PUS10: variants seen among roughly 807,000 people sequenced by gnomAD.
PUS10 encodes the protein tRNA pseudouridine synthase Pus10.
PUS10 carries 59 observed loss-of-function variants against 75.0 expected under a neutral mutation model. The observed-to-expected ratio is 0.79, with a 90% confidence interval of 0.64 to 0.98. PUS10 has a LOEUF of 0.98. PUS10 is among the 50% of genes least tolerant of loss of function. PUS10 has a pLI of 0.00. For missense variants in PUS10, 650 were observed against 614.4 expected, an observed-to-expected ratio of 1.06 and a Z score of -0.61; for synonymous variants, 219 against 211.6, an observed-to-expected ratio of 1.03 and a Z score of -0.30.
At chr2:61,008,063 C>T (rs1231098871) in intron 3 of PUS10, among the ~76,000 whole-genome samples, 2 of 149,422 alleles carry the variant, frequency 1.3e-5, no homozygotes, top group Non-Finnish European at 3.0e-5. Context: ...GGCAACAGAG[C>T]GAGACTCTGT....
At chr2:61,008,712 C>A in intron 3 of PUS10, 49 bp downstream of exon 3, 1 of 1,376,700 alleles carries the variant, frequency 7.3e-7, no homozygotes, top group Non-Finnish European at 9.8e-7. Context: ...GGTTTTAAGA[C>A]TGAAAATCTC....
chr2:60,983,461 C>T (rs1677530829), intron 4 of PUS10, among the ~76,000 whole-genome samples: 1 of 151,986 alleles, frequency 6.6e-6, no homozygotes, highest in Admixed American at 6.6e-5. Context: ...GGTGGATCAC[C>T]TGAGGTCAGG....
intron 17 of PUS10, 119 bp from the exon 18 acceptor site, chr2:60,942,552 G>C (rs1422349637): frequency 2.6e-6 from 2 of 779,728 alleles, no homozygotes; most frequent in African/African-American, 3.5e-5. Context: ...TGCATTTGAA[G>C]AAAAGAGCTA....
At chr2:61,009,756 G>GT (rs1413801175) in intron 2 of PUS10, 2 of 152,134 alleles carry the variant, frequency 1.3e-5, no homozygotes, top group African/African-American at 4.8e-5. Context: ...GTTTAGACAT[G>GT]TTTTATTATG....
intron 4 of PUS10, among the ~76,000 whole-genome samples, chr2:60,987,607 T>C (rs1356698662): frequency 2.0e-5 from 3 of 152,184 alleles, no homozygotes; most frequent in Non-Finnish European, 4.4e-5. Flanking sequence ...TCACCACTAA[T>C]TGTGTACAGT....
chr2:60,979,656 T>C (rs1216198121), intron 4 of PUS10, among the ~76,000 whole-genome samples: 1 of 151,898 alleles, frequency 6.6e-6, no homozygotes, highest in African/African-American at 2.4e-5. Context: ...ATAAAACCTA[T>C]GTTGGCCATG....
intron 11 of PUS10, 86 bp downstream of exon 11, chr2:60,960,306 T>C: frequency 9.5e-7 from 1 of 1,053,448 alleles, no homozygotes; most frequent in African/African-American, 1.7e-5. Context: ...ATCGTGCTAC[T>C]GCAATCTAGC....
chr2:60,995,014 C>A (rs886562221), intron 4 of PUS10, among the ~76,000 whole-genome samples: 1 of 152,070 alleles, frequency 6.6e-6, no homozygotes, highest in Non-Finnish European at 1.5e-5. Flanking sequence ...CGCTAGAACC[C>A]GGGAGGTGGA....
chr2:60,981,360 G>T (rs1241444910), intron 4 of PUS10, among the ~76,000 whole-genome samples: 1 of 151,640 alleles, frequency 6.6e-6, no homozygotes, highest in East Asian at 2.0e-4. Context: ...TCGGCTCACT[G>T]CAACTTTTGC....
chr2:60,973,411 C>G (rs1403879216), intron 4 of PUS10, among the ~76,000 whole-genome samples: 1 of 152,248 alleles, frequency 6.6e-6, no homozygotes, highest in African/African-American at 2.4e-5. Context: ...GCTCCCTGAC[C>G]TCTCCCTGCT....
intron 2 of PUS10, among the ~76,000 whole-genome samples, chr2:61,011,282 G>T (rs1043633187): frequency 6.6e-6 from 1 of 152,060 alleles, no homozygotes; most frequent in Admixed American, 6.6e-5. Flanking sequence ...TATTACTTTT[G>T]TCATTAATAA....
intron 15 of PUS10, among the ~76,000 whole-genome samples, chr2:60,952,624 C>G (rs1362774242): frequency 1.3e-5 from 2 of 152,158 alleles, no homozygotes; most frequent in Non-Finnish European, 2.9e-5. Context: ...GTGCCAGGTA[C>G]TGTTCTAAGT....
intron 1 of PUS10, chr2:61,017,781 C>A (rs865938493): frequency 1.3e-6 from 2 of 1,549,734 alleles, no homozygotes; most frequent in Non-Finnish European, 1.7e-6. Flanking sequence ...GCCGCCACCT[C>A]CCCCCAAACC....
intron 6 of PUS10, chr2:60,966,445 T>C (rs1676347041): frequency 6.6e-6 from 1 of 152,248 alleles, no homozygotes; most frequent in African/African-American, 2.4e-5. Context: ...GCTTTTTTTT[T>C]CTCGCTCCTT....
Position 61,018,203 on chromosome 2 carries a change from C to T in PUS10, c.-211G>A, listed in dbSNP as rs1680144255. 1.3e-6 allele frequency: 2 copies of T among 1,550,860 alleles called. No individual in the cohort carries two copies. The highest frequency in any genetic ancestry group is 1.2e-5 in the South Asian group (1 of 84,054). The stretch of plus-strand genomic sequence containing the variant: ...TTAAAGCGTAGACTTTGGTCTGTAG[C>T]AGTTGAGAGCGGCATTTGTCCAGCC... On this transcript the variant is annotated 5_prime_UTR_variant, in exon 1 of 18. Coordinates refer to ENST00000316752, the MANE Select transcript of PUS10 (RefSeq NM_144709.4).
chr2:60,960,601 C>T (rs1320059988), intron 10 of PUS10, 84 bp from the exon 11 acceptor site: 6 of 1,285,260 alleles, frequency 4.7e-6, no homozygotes, highest in Admixed American at 5.5e-5. Flanking sequence ...ACTATAAGGG[C>T]CAATATCCTA....
At chr2:60,982,488 C>T (rs1450854131) in intron 4 of PUS10, among the ~76,000 whole-genome samples, 1 of 152,070 alleles carries the variant, frequency 6.6e-6, no homozygotes, top group Non-Finnish European at 1.5e-5. Context: ...GTCTCAAACT[C>T]CTGACCTCAA....
chr2:60,985,967 C>T (rs892790552), intron 4 of PUS10, among the ~76,000 whole-genome samples: 15 of 136,966 alleles, frequency 1.1e-4, no homozygotes, highest in Non-Finnish European at 1.6e-4. Context: ...AAAAAAGTTA[C>T]TTCTACTTTT....
chr2:61,015,477 A>G (rs552138216), intron 1 of PUS10, among the ~76,000 whole-genome samples: 1 of 152,202 alleles, frequency 6.6e-6, no homozygotes, highest in African/African-American at 2.4e-5. Context: ...AGGCAGGAGG[A>G]TCATGAGGTC....
Sources: gnomAD v4.1 joint callset for allele counts (sites outside exome capture counted in the v4.1 genomes callset) on GRCh38, gnomAD v4.1.1 for gene constraint, MANE v1.5 for transcripts, NCBI Gene and HGNC (gene_info 2026-07-23, HGNC 2026-07-21) for gene names.